Variants in KIF6 observed in about 807,000 individuals in gnomAD.
KIF6 encodes the protein kinesin family member 6.
Under a neutral mutation model 112.7 loss-of-function variants are expected in KIF6, and 106 were observed. That is an observed-to-expected ratio of 0.94 (90% CI 0.80 to 1.11). The LOEUF (loss-of-function observed/expected upper bound fraction) is 1.11, where lower values mean the gene tolerates loss of function less well. Among genes scored for constraint, KIF6 ranks in the 50% least tolerant of loss-of-function variants. The probability of loss-of-function intolerance (pLI) is 0.00; values close to 1 mark genes in which losing one functional copy is unlikely to be tolerated. For missense variants in KIF6, 929 were observed against 964.0 expected, an observed-to-expected ratio of 0.96 and a Z score of 0.48; for synonymous variants, 339 against 339.9, an observed-to-expected ratio of 1.00 and a Z score of 0.03.
chr6:39,623,953 C>A (rs893591634), intron 5 of KIF6, among the ~76,000 whole-genome samples: 1 of 152,178 alleles, frequency 6.6e-6, no homozygotes, highest in Non-Finnish European at 1.5e-5. Flanking sequence ...CTCAGCAGCA[C>A]TGTCAGCTCT....
At chr6:39,555,281 C>T (rs995693483) in intron 10 of KIF6, among the ~76,000 whole-genome samples, 4 of 152,128 alleles carry the variant, frequency 2.6e-5, no homozygotes, top group Non-Finnish European at 5.9e-5. Context: ...ACCCACATTC[C>T]ACCTCCCAAG....
In KIF6 at chr6:39,343,844, T is replaced by C; in HGVS notation, c.2322-29A>G. On this transcript the variant is annotated intron_variant, in intron 21 of 22. Transcript: ENST00000287152. This position sits in a 1 kb window ranked among gnomAD's most constrained non-coding sequence, Gnocchi z 4.1. ...GAGGCAACCACGTGTCACATTTTAC[T>C]ACACTTTACAACTGGACTCACCACT... 1.5e-6 allele frequency: 2 copies of C among 1,352,064 alleles called. No homozygotes were observed. Among genetic ancestry groups the C allele is most frequent in the Non-Finnish European group, 2.1e-6 (2 of 962,066 alleles). The allele number at this position is 1,352,064 out of a possible 1,614,324, so 83.8% of individuals were successfully genotyped here.
intron 10 of KIF6, among the ~76,000 whole-genome samples, chr6:39,560,498 T>C (rs1779954328): frequency 6.6e-6 from 1 of 152,218 alleles, no homozygotes; most frequent in African/African-American, 2.4e-5. Flanking sequence ...GCTTTGCTCA[T>C]ATTGATTCCT....
At chr6:39,458,030 T>C (rs1450717487) in intron 13 of KIF6, among the ~76,000 whole-genome samples, 1 of 151,892 alleles carries the variant, frequency 6.6e-6, no homozygotes, top group Non-Finnish European at 1.5e-5. Flanking sequence ...ATGAGGCCAG[T>C]ATCATTCTGA....
chr6:39,484,877 T>C (rs1488242916), intron 13 of KIF6, among the ~76,000 whole-genome samples: 1 of 152,126 alleles, frequency 6.6e-6, no homozygotes, highest in Non-Finnish European at 1.5e-5. Context: ...CATCTCTGCC[T>C]CTCCTCAATC....
At chr6:39,379,329 G>A (rs549832453) in intron 16 of KIF6, among the ~76,000 whole-genome samples, 4 of 152,132 alleles carry the variant, frequency 2.6e-5, no homozygotes, top group Non-Finnish European at 5.9e-5. Flanking sequence ...ATGCTCAAAT[G>A]TCTCATTGTG....
chr6:39,704,485 G>C (rs754733289), intron 3 of KIF6, among the ~76,000 whole-genome samples: 16 of 152,138 alleles, frequency 1.1e-4, no homozygotes, highest in Non-Finnish European at 2.4e-4. Flanking sequence ...GGGTGGGGTG[G>C]CACATGCCTG....
intron 3 of KIF6, among the ~76,000 whole-genome samples, chr6:39,700,990 G>A (rs528081782): frequency 1.1e-4 from 16 of 152,218 alleles, no homozygotes; most frequent in East Asian, 3.9e-4. Context: ...GTGAGCCACC[G>A]CACCTAGCCT....
At chr6:39,699,443 C>T (rs890826171) in intron 3 of KIF6, among the ~76,000 whole-genome samples, 2 of 152,088 alleles carry the variant, frequency 1.3e-5, no homozygotes, top group South Asian at 2.1e-4. Flanking sequence ...TAGAGGTTTC[C>T]GGAATGTTAA....
chr6:39,573,259 C>T (rs965182557), intron 10 of KIF6, among the ~76,000 whole-genome samples: 9 of 152,084 alleles, frequency 5.9e-5, no homozygotes, highest in African/African-American at 2.2e-4. Flanking sequence ...AGCTGATTCA[C>T]ATTCCTGAAT....
intron 9 of KIF6, chr6:39,583,618 G>A (rs987139641): frequency 4.9e-5 from 12 of 243,736 alleles, no homozygotes; most frequent in Admixed American, 2.4e-4. Context: ...TAATTTGTTG[G>A]TTTTTTTTTG....
At position 39,706,040 on chromosome 6, in the gene KIF6, C is replaced by T. The variant is rs761072329; in HGVS notation, c.251+8652G>A. 1.4e-4 allele frequency among the ~76,000 whole-genome samples: 22 copies of T among 152,240 alleles called. 1 individual carries two copies. Among genetic ancestry groups the T allele is most frequent in the Middle Eastern group, 6.8e-3 (2 of 294 alleles). On this transcript the variant is annotated intron_variant, in intron 3 of 22. Coordinates refer to ENST00000287152, the MANE Select transcript of KIF6 (RefSeq NM_145027.6). The stretch of plus-strand genomic sequence containing the variant: ...CGTCTCTTTTATTATCTTAGGAAAC[C>T]CCCAACTAACTTTTTAATCCAAGTA...
rs1771135446 is a variant in KIF6, at chr6:39,431,237, C to T, written c.1646-76G>A. On this transcript the variant is annotated intron_variant, in intron 13 of 22. Transcript: ENST00000287152. ...TAATTTCATTGTCACTTCAGTCAGA[C>T]CACAAAACCAGCCCTGGCTCCAAGA... 9 of 839,756 alleles carry T rather than the reference C, an allele frequency of 1.1e-5. No individual in the cohort carries two copies. The South Asian group carries it at 1.4e-4, about 13-fold the overall frequency. The allele number at this position is 839,756 out of a possible 1,614,324, so 52.0% of individuals were successfully genotyped here. A position where few individuals can be genotyped will look rare whatever the true frequency, so the allele number is the denominator to read the frequency against.
intron 7 of KIF6, among the ~76,000 whole-genome samples, chr6:39,587,928 AAG>A (rs1407041685): frequency 6.6e-6 from 1 of 152,256 alleles, no homozygotes; most frequent in African/African-American, 2.4e-5. Context: ...TCATTGTACC[AAG>A]AGCACTGATT....
At chr6:39,347,614 A>G (rs1446385172) in intron 19 of KIF6, among the ~76,000 whole-genome samples, 1 of 152,178 alleles carries the variant, frequency 6.6e-6, no homozygotes, top group African/African-American at 2.4e-5. Context: ...GAGGCCTAAG[A>G]AGTCACCTGG....
At position 39,343,703 on chromosome 6, in the gene KIF6, A is replaced by G. The variant is rs929201705; in HGVS notation, c.2428+6T>C. 3 of 1,597,792 alleles carry G rather than the reference A, an allele frequency of 1.9e-6. No homozygotes were observed. Among genetic ancestry groups the G allele is most frequent in the African/African-American group, 1.3e-5 (1 of 74,402 alleles). Reference sequence around the variant, plus strand: ...CAGGAGGAGCCACCGAGGGAGGTGCACTTACATTGCTTCTGCAGAATGCTC... The same window carrying G: ...CAGGAGGAGCCACCGAGGGAGGTGCGCTTACATTGCTTCTGCAGAATGCTC... On this transcript the variant is annotated splice_donor_region_variant and intron_variant, in intron 22 of 22. Coordinates refer to ENST00000287152, the MANE Select transcript of KIF6 (RefSeq NM_145027.6). The surrounding 1 kb of genome is among the most constrained non-coding windows in gnomAD (Gnocchi z 4.1).
At chr6:39,364,312 G>A (rs1245703676) in intron 16 of KIF6, among the ~76,000 whole-genome samples, 1 of 152,024 alleles carries the variant, frequency 6.6e-6, no homozygotes, top group Admixed American at 6.6e-5. Context: ...GTAGAGATGG[G>A]GTTTCACCAT....
intron 13 of KIF6, among the ~76,000 whole-genome samples, chr6:39,442,266 C>T (rs1771963402): frequency 6.6e-6 from 1 of 152,198 alleles, no homozygotes; most frequent in Non-Finnish European, 1.5e-5. Flanking sequence ...GCTGGCTTGC[C>T]AAAGGAGTGG....
At chr6:39,706,657 G>A (rs1458341563) in intron 3 of KIF6, among the ~76,000 whole-genome samples, 1 of 152,250 alleles carries the variant, frequency 6.6e-6, no homozygotes, top group African/African-American at 2.4e-5. Context: ...GTAAAGCCAA[G>A]TGCAGGTACA....
Sources: gnomAD v4.1 joint callset for allele counts (sites outside exome capture counted in the v4.1 genomes callset) on GRCh38, gnomAD v4.1.1 for gene constraint, Gnocchi (gnomAD v3.1) non-coding constraint, MANE v1.5 for transcripts, NCBI Gene and HGNC (gene_info 2026-07-23, HGNC 2026-07-21) for gene names.